The following TJP1 variants were observed in gnomAD, a reference collection of about 807,000 sequenced individuals.
The protein encoded by TJP1 is tight junction protein 1.
A neutral mutation model predicts 194.2 loss-of-function variants in TJP1; 43 were observed. The ratio of observed to expected loss-of-function variants is 0.22; its 90% CI spans 0.17 to 0.29. TJP1 has a LOEUF of 0.29. Among genes scored for constraint, TJP1 ranks in the 10% least tolerant of loss-of-function variants. TJP1 has a pLI of 1.00. For missense variants in TJP1, 1,971 were observed against 2,185.7 expected (o/e 0.90, Z 1.96); for synonymous variants, 801 against 779.0 (o/e 1.03, Z -0.47).
At chr15:29,893,284 T>C (rs2053370970) in intron 2 of TJP1, among the ~76,000 whole-genome samples, 1 of 152,184 alleles carries the variant, frequency 6.6e-6, no homozygotes, top group Non-Finnish European at 1.5e-5. Flanking sequence ...AAGACAATGG[T>C]TTCTCGAGAT....
At chr15:29,817,513 C>T (rs2050009102) in intron 1 of TJP1, among the ~76,000 whole-genome samples, 1 of 152,146 alleles carries the variant, frequency 6.6e-6, no homozygotes, top group African/African-American at 2.4e-5. Context: ...AATCATTCTC[C>T]TATAAAGACA....
At chr15:29,873,583 C>A (rs1253498180) in intron 2 of TJP1, among the ~76,000 whole-genome samples, 1 of 152,182 alleles carries the variant, frequency 6.6e-6, no homozygotes, top group African/African-American at 2.4e-5. Flanking sequence ...ATGATCAAGA[C>A]AATTTTTGCT....
intron 2 of TJP1, among the ~76,000 whole-genome samples, chr15:29,923,474 G>C (rs2054429147): frequency 6.6e-6 from 1 of 152,096 alleles, no homozygotes; most frequent in Non-Finnish European, 1.5e-5. Context: ...TCTCCTATCA[G>C]CAATAAACAG....
chr15:29,929,689 T>A (rs1465032203), intron 2 of TJP1, among the ~76,000 whole-genome samples: 2 of 151,954 alleles, frequency 1.3e-5, no homozygotes, highest in Non-Finnish European at 2.9e-5. Flanking sequence ...AGGGCGAAAC[T>A]CTGTCTCAAA....
At chr15:29,810,831 T>C (rs1305324454) in intron 1 of TJP1, among the ~76,000 whole-genome samples, 1 of 152,134 alleles carries the variant, frequency 6.6e-6, no homozygotes, top group East Asian at 1.9e-4. Context: ...AAGAGCCTAG[T>C]GTAGGAAAGT....
intron 2 of TJP1, among the ~76,000 whole-genome samples, chr15:29,918,738 C>CA (rs202112334): frequency 3.2e-4 from 45 of 141,368 alleles, no homozygotes; most frequent in Middle Eastern, 3.5e-3. Context: ...GAACATATCT[C>CA]AAAAAAAAAA....
At chr15:29,756,738 T>C (rs762506333) in intron 8 of TJP1, among the ~76,000 whole-genome samples, 4 of 152,190 alleles carry the variant, frequency 2.6e-5, no homozygotes, top group Non-Finnish European at 4.4e-5. Context: ...GTAATTAAGC[T>C]ATGAAATTTC....
rs2042059302 is a variant in TJP1 at position 29,708,740 on chromosome 15, T to C, written c.4669A>G (p.Thr1557Ala). Residue 1557 changes from threonine (T) to alanine (A), a missense_variant, in exon 25 of 28, where the codon ACT becomes GCT. Coordinates refer to ENST00000614355, the MANE Select transcript of TJP1 (RefSeq NM_001330239.4). ...KFNHNLLPSE[T>A]AHKPDLSSKT... ...GAAGACAAGTCAGGTTTATGTGCAG[T>C]TTCACTTGGCAGAAGATTGTGATTG... is the stretch of plus-strand genomic sequence containing the variant. 1 of 1,614,168 alleles carries C rather than the reference T, an allele frequency of 6.2e-7. No individual in the cohort carries two copies. The highest frequency in any genetic ancestry group is 1.3e-5 in the African/African-American group (1 of 75,050).
chr15:29,933,518 T>G, intron 2 of TJP1, among the ~76,000 whole-genome samples: 1 of 152,100 alleles, frequency 6.6e-6, no homozygotes, highest in South Asian at 2.1e-4. Flanking sequence ...GGAGAATGAA[T>G]CCTAAGAAAA....
At chr15:29,828,618 C>A (rs959867595) in intron 2 of TJP1, among the ~76,000 whole-genome samples, 3 of 152,118 alleles carry the variant, frequency 2.0e-5, no homozygotes, top group African/African-American at 4.8e-5. Flanking sequence ...ATAGTTTCAC[C>A]TATCTGGTAG....
chr15:29,963,409 C>T (rs752686142), intron 1 of TJP1, among the ~76,000 whole-genome samples: 2 of 152,052 alleles, frequency 1.3e-5, no homozygotes, highest in Non-Finnish European at 2.9e-5. Flanking sequence ...AAAATACAGC[C>T]TCATGGGGTG....
intron 1 of TJP1, among the ~76,000 whole-genome samples, chr15:29,816,663 C>T (rs1437674489): frequency 6.6e-6 from 1 of 152,192 alleles, no homozygotes; most frequent in East Asian, 1.9e-4. Context: ...TAAAACACTG[C>T]ATCACTCACT....
intron 2 of TJP1, among the ~76,000 whole-genome samples, chr15:29,925,549 T>C (rs2054497079): frequency 6.6e-6 from 1 of 152,234 alleles, no homozygotes; most frequent in Admixed American, 6.5e-5. Context: ...TTACACCCTC[T>C]AAGCCGTGGC....
chr15:29,870,772 G>A (rs182193309), intron 2 of TJP1, among the ~76,000 whole-genome samples: 2 of 152,336 alleles, frequency 1.3e-5, no homozygotes, highest in East Asian at 1.9e-4. Flanking sequence ...GTGCTCCCAG[G>A]AGCCTGCTGC....
chr15:29,813,396 A>G (rs2049671044), intron 1 of TJP1, among the ~76,000 whole-genome samples: 1 of 152,214 alleles, frequency 6.6e-6, no homozygotes. Flanking sequence ...TTCTCCAAAA[A>G]GCCACAGAAG....
chr15:29,740,587 G>C (rs1247755521), intron 10 of TJP1, among the ~76,000 whole-genome samples: 1 of 151,722 alleles, frequency 6.6e-6, no homozygotes, highest in Non-Finnish European at 1.5e-5. Context: ...AGCCGAGATT[G>C]CACCACGGCA....
intron 2 of TJP1, among the ~76,000 whole-genome samples, chr15:29,915,832 G>C (rs1462770735): frequency 1.3e-5 from 2 of 152,156 alleles, no homozygotes; most frequent in Non-Finnish European, 2.9e-5. Flanking sequence ...GGCAATGTAA[G>C]ATACTAGAGA....
At chr15:29,722,685 A>T (rs2043005820) in intron 18 of TJP1, among the ~76,000 whole-genome samples, 1 of 152,112 alleles carries the variant, frequency 6.6e-6, no homozygotes, top group Non-Finnish European at 1.5e-5. Context: ...TGTCCTCCAG[A>T]CCTTAGAGAG....
rs34201715 is a variant in TJP1, at chr15:29,791,413, C to CTTTTT, written c.84+9228_84+9232dup. On this transcript the variant is annotated intron_variant, in intron 2 of 27. Coordinates refer to ENST00000614355, the MANE Select transcript of TJP1 (RefSeq NM_001330239.4). ...GTTTTTGAGGAGCCTCCATAATATT[C>CTTTTT]TTTTTTTTTTTTTTTTTTTTTTTTT... is the stretch of plus-strand genomic sequence containing the variant. Among the ~76,000 whole-genome samples the CTTTTT allele has an allele frequency of 1.4e-3, 70 of 51,206 alleles. 4 individuals are homozygous for CTTTTT. The highest frequency in any genetic ancestry group is 2.2e-3 in the African/African-American group (28 of 12,454). The allele number at this position is 51,206 out of a possible 152,430, so 33.6% of individuals were successfully genotyped here. A position where few individuals can be genotyped will look rare whatever the true frequency, so the allele number is the denominator to read the frequency against.
Sources: gnomAD v4.1 joint callset for allele counts (sites outside exome capture counted in the v4.1 genomes callset) on GRCh38, gnomAD v4.1.1 for gene constraint, MANE v1.5 for transcripts, NCBI Gene and HGNC (gene_info 2026-07-23, HGNC 2026-07-21) for gene names.